The following IGSF11 variants were observed in gnomAD, a reference collection of about 807,000 sequenced individuals.
The protein encoded by IGSF11 is CXADR like 1.
Under a neutral mutation model 41.0 loss-of-function variants are expected in IGSF11, and 22 were observed. That is an observed-to-expected ratio of 0.54 (90% CI 0.38 to 0.77). The LOEUF is 0.77. Among genes scored for constraint, IGSF11 ranks in the 30% least tolerant of loss-of-function variants. The pLI is 0.00. For missense variants in IGSF11, 444 were observed against 530.8 expected (o/e 0.84, Z 1.61); for synonymous variants, 219 against 201.3 (o/e 1.09, Z -0.74).
chr3:119,001,821 A>T (rs1342531113), intron 1 of IGSF11, among the ~76,000 whole-genome samples: 1 of 139,812 alleles, frequency 7.2e-6, no homozygotes, highest in South Asian at 2.4e-4. Context: ...TTATGGCTGC[A>T]TAGTATTCCA....
At chr3:119,068,927 C>CTTTTTT (rs574659492) in intron 1 of IGSF11, among the ~76,000 whole-genome samples, 1 of 81,018 alleles carries the variant, frequency 1.2e-5, no homozygotes. Context: ...TTTTTTTTTT[C>CTTTTTT]TTTTTTTTTT....
intron 1 of IGSF11, among the ~76,000 whole-genome samples, chr3:119,075,802 C>T (rs987108798): frequency 6.6e-6 from 1 of 151,866 alleles, no homozygotes; most frequent in South Asian, 2.1e-4. Flanking sequence ...AAACCCTCAA[C>T]AAGAATCAAT....
chr3:118,931,861 T>C (rs1010646024), intron 1 of IGSF11, among the ~76,000 whole-genome samples: 1 of 151,754 alleles, frequency 6.6e-6, no homozygotes, highest in Non-Finnish European at 1.5e-5. Context: ...GCCTCCCAAG[T>C]AGATGGGACT....
Position 118,902,930 on chromosome 3 carries a change from C to G in IGSF11, c.886G>C (p.Ala296Pro), listed in dbSNP as rs369831139. The G allele has an allele frequency of 1.2e-6, 2 of 1,613,938 alleles. No homozygotes were observed. Among genetic ancestry groups the G allele is most frequent in the Middle Eastern group, 3.3e-4 (2 of 6,054 alleles). The part of the protein sequence containing the change: ...EDDLPPKCSS[A>P]KAFHTEISSS... ...GAAATCTCAGTGTGAAATGCTTTGGCAGAAGAACACTTGGGTGGAAGATCA... is the reference window on the plus strand; with the variant it reads ...GAAATCTCAGTGTGAAATGCTTTGGGAGAAGAACACTTGGGTGGAAGATCA... The change falls in exon 7 of 7, where the codon GCC becomes CCC. Residue 296 changes from alanine (A) to proline (P), a missense_variant. Ala to Pro is a conservative substitution (Grantham distance 27). Around this residue, in one of 3 missense-constraint regions of IGSF11, gnomAD observed 223 missense variants for 226.2 expected, o/e 0.99. Coordinates refer to ENST00000393775, the MANE Select transcript of IGSF11 (RefSeq NM_001015887.3).
intron 3 of IGSF11, 81 bp from the exon 4 acceptor site, chr3:118,926,337 C>T: frequency 8.7e-7 from 1 of 1,152,610 alleles, no homozygotes; most frequent in African/African-American, 1.6e-5. Context: ...ACATTCAGTA[C>T]ATTGGACCCT....
At chr3:118,913,852 A>G (rs577827881) in intron 4 of IGSF11, among the ~76,000 whole-genome samples, 1 of 152,372 alleles carries the variant, frequency 6.6e-6, no homozygotes, top group Admixed American at 6.5e-5. Flanking sequence ...AAGCCAAGAA[A>G]ATAACTAAAA....
At chr3:118,932,757 T>G (rs1942958668) in intron 1 of IGSF11, among the ~76,000 whole-genome samples, 1 of 152,204 alleles carries the variant, frequency 6.6e-6, no homozygotes, top group Non-Finnish European at 1.5e-5. Context: ...AGAATAAGTG[T>G]GGAAGCCAAA....
rs1055723043 is a variant in IGSF11 at position 118,995,536 on chromosome 3, AG to A, written c.52+38994del. ...CCTAAAACAACAAAGAAGAAAAGAG[AG>A]TCCAGAAAGCTCCAAACAAAAACAA... On this transcript the variant is annotated intron_variant, in intron 1 of 6. Transcript: ENST00000393775. Among the ~76,000 whole-genome samples, 5 of 152,350 alleles carry A rather than the reference AG, an allele frequency of 3.3e-5. 1 individual carries two copies. The highest frequency in any genetic ancestry group is 1.9e-4 in the East Asian group (1 of 5,190).
intron 1 of IGSF11, among the ~76,000 whole-genome samples, chr3:118,934,305 T>C (rs1943081877): frequency 6.6e-6 from 1 of 152,196 alleles, no homozygotes; most frequent in African/African-American, 2.4e-5. Flanking sequence ...CTGACAGAGA[T>C]GACCCTTCCC....
chr3:119,037,378 T>C (rs1400632436), upstream of IGSF11, among the ~76,000 whole-genome samples: 1 of 152,156 alleles, frequency 6.6e-6, no homozygotes, highest in African/African-American at 2.4e-5. Flanking sequence ...GGATACTGTG[T>C]CTTAAAGCTA....
chr3:119,029,076 T>C (rs1190214965), intron 1 of IGSF11, among the ~76,000 whole-genome samples: 1 of 151,874 alleles, frequency 6.6e-6, no homozygotes, highest in African/African-American at 2.4e-5. Context: ...TCTTCTCAGG[T>C]GTACCACCTA....
intron 1 of IGSF11, among the ~76,000 whole-genome samples, chr3:119,130,265 C>A (rs1457297900): frequency 6.6e-6 from 1 of 152,178 alleles, no homozygotes; most frequent in African/African-American, 2.4e-5. Context: ...TTGCCTCACC[C>A]AGAAAGTGCA....
In IGSF11 at chr3:118,900,869, G is replaced by C. The variant is rs767867677; in HGVS notation, c.*1651C>G. 3.9e-5 allele frequency: 6 copies of C among 152,546 alleles called. No homozygotes were observed. The highest frequency in any genetic ancestry group is 2.1e-4 in the South Asian group (1 of 4,824). The allele number at this position is 152,546 out of a possible 1,614,324, so 9.4% of individuals were successfully genotyped here. On this transcript the variant is annotated 3_prime_UTR_variant, in exon 7 of 7. Coordinates refer to ENST00000393775, the MANE Select transcript of IGSF11 (RefSeq NM_001015887.3). ...TTCAGCTTTTTATCAATACTGAAAT[G>C]GTTGGCAATGGTTAGGTTCTGAGTG...
chr3:119,107,361 G>A (rs1231143855), upstream of IGSF11, among the ~76,000 whole-genome samples: 10 of 152,180 alleles, frequency 6.6e-5, no homozygotes. Context: ...TTTTTCATAT[G>A]TCTTTTGGCT....
At chr3:118,995,815 G>A (rs370985138) in intron 1 of IGSF11, among the ~76,000 whole-genome samples, 24 of 152,090 alleles carry the variant, frequency 1.6e-4, no homozygotes, top group East Asian at 7.7e-4. Context: ...ACCACGCCCC[G>A]CTAATTTTTT....
chr3:119,001,715 T>A (rs1223078321), intron 1 of IGSF11, among the ~76,000 whole-genome samples: 1 of 149,926 alleles, frequency 6.7e-6, no homozygotes, highest in Admixed American at 6.7e-5. Flanking sequence ...AGTGAGAATA[T>A]GCAGTGTTTG....
Position 118,930,259 on chromosome 3 carries a change from C to A in IGSF11, c.69G>T (p.Leu23=). 6.2e-7 allele frequency: 1 copy of A among 1,612,978 alleles called. No homozygotes were observed. ...TACTCCCAGGGCTCTCTGACACTTC[C>A]AGGGATGCTGCAACACCTACAGAAG... ...LLSLHGVAAS[L]EVSESPGSIQ... is the part of the protein sequence containing the mutation. Residue 23 remains leucine (L), a synonymous_variant, in exon 2 of 7, where the codon CTG becomes CTT. Transcript: ENST00000393775.
intron 4 of IGSF11, among the ~76,000 whole-genome samples, chr3:118,913,040 C>G (rs1369012404): frequency 1.3e-5 from 2 of 151,434 alleles, no homozygotes; most frequent in Non-Finnish European, 2.9e-5. Context: ...ATTCAAAACT[C>G]AATGGATAAG....
chr3:119,133,192 C>A (rs2077508571), intron 1 of IGSF11, among the ~76,000 whole-genome samples: 1 of 151,926 alleles, frequency 6.6e-6, no homozygotes, highest in South Asian at 2.1e-4. Flanking sequence ...CAAAAGCTAG[C>A]AAAAGGTAAA....
Sources: allele counts gnomAD v4.1 joint callset (sites outside exome capture counted in the v4.1 genomes callset), GRCh38; gene constraint gnomAD v4.1.1; regional missense constraint gnomAD v4.1.1; transcripts MANE v1.5; gene names NCBI Gene and HGNC (gene_info 2026-07-23, HGNC 2026-07-21).